LRRIQ1: variants seen among roughly 807,000 people sequenced by gnomAD.
LRRIQ1 encodes leucine-rich repeat- and IQ domain-containing protein 1.
In LRRIQ1, 210 loss-of-function variants were observed where a neutral mutation model predicts 211.9. That is an observed-to-expected ratio of 0.99 (90% confidence interval 0.89 to 1.11). LRRIQ1 has a LOEUF of 1.11. Ranked by LOEUF, LRRIQ1 falls within the 50% of genes most tolerant of loss-of-function variation. The pLI is 0.00. For synonymous variants in LRRIQ1, 699 were observed against 650.1 expected, an observed-to-expected ratio of 1.08 and a Z score of -1.14; for missense variants, 2,136 against 1,939.5, an observed-to-expected ratio of 1.10 and a Z score of -1.90.
Position 85,138,544 on chromosome 12 carries a change from GT to G in LRRIQ1, c.4329+576del, listed in dbSNP as rs540411017. Among the ~76,000 whole-genome samples, 372 of 151,542 alleles carry G rather than the reference GT, an allele frequency of 2.5e-3. 4 individuals carry two copies. Among genetic ancestry groups the G allele is most frequent in the African/African-American group, 8.8e-3 (365 of 41,474 alleles). ...GAGGTGATATTGTGTTCTTCTCAAT[GT>G]ATCACTGCAGGAAGGTGATGAAGTT... On this transcript the variant is annotated intron_variant, in intron 19 of 26. Coordinates refer to ENST00000393217, the MANE Select transcript of LRRIQ1 (RefSeq NM_001079910.2).
chr12:85,208,887 T>A (rs1229759781), intron 24 of LRRIQ1, among the ~76,000 whole-genome samples: 2 of 152,188 alleles, frequency 1.3e-5, no homozygotes, highest in Non-Finnish European at 1.5e-5. Context: ...GGCAATTTTC[T>A]ATAGAGACTT....
intron 24 of LRRIQ1, among the ~76,000 whole-genome samples, chr12:85,188,728 A>G (rs1464066895): frequency 6.6e-6 from 1 of 152,140 alleles, no homozygotes; most frequent in African/African-American, 2.4e-5. Context: ...TACAATATTA[A>G]GTAACTAAAG....
chr12:85,072,530 G>A (rs369329296), intron 10 of LRRIQ1, among the ~76,000 whole-genome samples: 15 of 143,620 alleles, frequency 1.0e-4, no homozygotes, highest in Admixed American at 2.2e-4. Flanking sequence ...TTGATTTGTC[G>A]TTAATCAGCC....
intron 1 of LRRIQ1, among the ~76,000 whole-genome samples, chr12:85,257,138 A>G (rs1333852733): frequency 8.7e-6 from 1 of 115,442 alleles, no homozygotes; most frequent in Non-Finnish European, 1.8e-5. Context: ...AATATATATT[A>G]TATATTTATA....
intron 24 of LRRIQ1, among the ~76,000 whole-genome samples, chr12:85,207,964 T>C (rs1893644134): frequency 6.6e-6 from 1 of 152,060 alleles, no homozygotes; most frequent in Non-Finnish European, 1.5e-5. Context: ...AATGCTTAAA[T>C]TGAATATGAA....
intron 4 of LRRIQ1, 59 bp from the exon 5 acceptor site, chr12:85,045,961 G>T (rs965065594): frequency 8.8e-6 from 8 of 911,160 alleles, no homozygotes; most frequent in South Asian, 5.2e-5. Flanking sequence ...TTATTAAAAC[G>T]ACAGCTTTAC....
At chr12:85,193,241 A>G (rs974995753) in intron 24 of LRRIQ1, among the ~76,000 whole-genome samples, 3 of 127,490 alleles carry the variant, frequency 2.4e-5, no homozygotes, top group African/African-American at 8.9e-5. Context: ...AAGTTGGAAA[A>G]CACTCTGCAG....
intron 26 of LRRIQ1, among the ~76,000 whole-genome samples, chr12:85,234,079 C>CA (rs57407994): frequency 0.14 from 21,039 of 149,898 alleles, 3,229 homozygotes; most frequent in African/African-American, 0.39. Context: ...CCCAAAAATA[C>CA]AAAAAAAAAT....
rs866074765 is a variant in LRRIQ1, at chr12:85,103,757, C to A, written c.3210-247C>A. On this transcript the variant is annotated intron_variant, in intron 13 of 26. Coordinates refer to ENST00000393217, the MANE Select transcript of LRRIQ1 (RefSeq NM_001079910.2). Reference sequence around the variant, plus strand: ...ATTGAAATTAGTAATTTCAGGATTTCTTTTACAAAATGAATAGAAGTCTTC... The same window carrying A: ...ATTGAAATTAGTAATTTCAGGATTTATTTTACAAAATGAATAGAAGTCTTC... Among the ~76,000 whole-genome samples the A allele has an allele frequency of 5.9e-5, 9 of 151,614 alleles. 1 individual carries two copies. The Middle Eastern group carries it at 0.017, about 292-fold the overall frequency.
At chr12:85,261,827 T>C (rs1421414708) in intron 1 of LRRIQ1, among the ~76,000 whole-genome samples, 1 of 150,762 alleles carries the variant, frequency 6.6e-6, no homozygotes, top group African/African-American at 2.5e-5. Flanking sequence ...TTGGCTCTTG[T>C]TGTCCAGGCT....
chr12:85,232,491 A>G (rs1593004351), intron 25 of LRRIQ1, among the ~76,000 whole-genome samples: 1 of 152,300 alleles, frequency 6.6e-6, no homozygotes, highest in East Asian at 1.9e-4. Context: ...GTTATTAGAA[A>G]TTGAGTTTTA....
chr12:85,243,312 T>TA (rs1311934724), intron 26 of LRRIQ1, among the ~76,000 whole-genome samples: 104 of 111,000 alleles, frequency 9.4e-4, no homozygotes, highest in African/African-American at 3.8e-3. Flanking sequence ...AATGTATAAC[T>TA]TTTATTATTA....
intron 24 of LRRIQ1, among the ~76,000 whole-genome samples, chr12:85,207,782 A>G (rs1893635657): frequency 6.6e-6 from 1 of 152,112 alleles, no homozygotes; most frequent in Admixed American, 6.6e-5. Flanking sequence ...TTGATGAAAA[A>G]AGTATTTTTT....
At chr12:85,154,974 T>C (rs1890463999) in intron 23 of LRRIQ1, among the ~76,000 whole-genome samples, 1 of 151,154 alleles carries the variant, frequency 6.6e-6, no homozygotes, top group Non-Finnish European at 1.5e-5. Flanking sequence ...TTTCTATTAA[T>C]TATATTTTAA....
At chr12:85,267,961 A>G (rs1269523654), downstream of LRRIQ1, among the ~76,000 whole-genome samples, 7 of 152,000 alleles carry the variant, frequency 4.6e-5, no homozygotes, top group Admixed American at 6.6e-5. Flanking sequence ...GAGAAAGTAT[A>G]ATGAGAAGCC....
chr12:85,244,786 C>A lies in LRRIQ1; in HGVS notation c.5017-3C>A. On this transcript the variant is annotated splice_region_variant and splice_polypyrimidine_tract_variant and intron_variant, in intron 26 of 26. Transcript: ENST00000393217. ...TGTATACATTCTCTTCCATTGCTCC[C>A]AGGCAAGACTTGTAAGCAGAGAAGA... The A allele has an allele frequency of 6.2e-7, 1 of 1,610,546 alleles. No individual in the cohort carries two copies. Among genetic ancestry groups the A allele is most frequent in the Non-Finnish European group, 8.5e-7 (1 of 1,177,586 alleles).
chr12:85,117,971 G>A (rs1887699359), intron 15 of LRRIQ1, among the ~76,000 whole-genome samples: 1 of 152,114 alleles, frequency 6.6e-6, no homozygotes, highest in Non-Finnish European at 1.5e-5. Context: ...GTTATGGACA[G>A]CTGATTTCTT....
At chr12:85,060,373 A>T (rs916895188) in intron 8 of LRRIQ1, among the ~76,000 whole-genome samples, 1 of 151,992 alleles carries the variant, frequency 6.6e-6, no homozygotes, top group African/African-American at 2.4e-5. Flanking sequence ...TTTTATTTTT[A>T]AATGTTTTAA....
At chr12:85,224,760 A>G (rs927816342) in intron 24 of LRRIQ1, among the ~76,000 whole-genome samples, 8 of 151,854 alleles carry the variant, frequency 5.3e-5, no homozygotes, top group Non-Finnish European at 8.8e-5. Flanking sequence ...GGGGAGGGAT[A>G]GCATTAGGAG....
Sources: gnomAD v4.1 joint callset for allele counts (sites outside exome capture counted in the v4.1 genomes callset) on GRCh38, gnomAD v4.1.1 for gene constraint, MANE v1.5 for transcripts, NCBI Gene and HGNC (gene_info 2026-07-23, HGNC 2026-07-21) for gene names.